SYT7: variants seen among roughly 807,000 people sequenced by gnomAD.
SYT7 encodes the protein synaptotagmin-7.
In SYT7, 29 loss-of-function variants were observed where a neutral mutation model predicts 75.1. The ratio of observed to expected loss-of-function variants is 0.39; its 90% CI spans 0.29 to 0.53. The LOEUF is 0.53. Among genes scored for constraint, SYT7 ranks in the 20% least tolerant of loss-of-function variants. The probability of loss-of-function intolerance (pLI) is 0.77; values close to 1 mark genes in which losing one functional copy is unlikely to be tolerated. For synonymous variants in SYT7, 376 were observed against 401.7 expected (o/e 0.94, Z 0.76); for missense variants, 693 against 953.2 (o/e 0.73, Z 3.59).
At chr11:61,538,927 C>T (rs886585233) in intron 6 of SYT7, among the ~76,000 whole-genome samples, 1 of 152,202 alleles carries the variant, frequency 6.6e-6, no homozygotes, top group Non-Finnish European at 1.5e-5. Context: ...AGCTACCTCC[C>T]CTTGGCTCCT....
Position 61,518,536 on chromosome 11 carries a change from G to T in SYT7, c.*91C>A. On this transcript the variant is annotated 3_prime_UTR_variant, in exon 13 of 13. Coordinates refer to ENST00000539008, the MANE Select transcript of SYT7 (RefSeq NM_001365809.2). ...CCCTCAGGGTCCTCCCCTCCCTATG[G>T]CAGGGGGCTCAGGCCGGGCGTTGTG... 1.1e-6 allele frequency: 1 copy of T among 921,262 alleles called. No individual in the cohort carries two copies. Among genetic ancestry groups the T allele is most frequent in the Non-Finnish European group, 1.6e-6 (1 of 639,160 alleles). The allele number at this position is 921,262 out of a possible 1,614,324, so 57.1% of individuals were successfully genotyped here. A position where few individuals can be genotyped will look rare whatever the true frequency, so the allele number is the denominator to read the frequency against.
chr11:61,535,291 A>T (rs536059514), intron 7 of SYT7, among the ~76,000 whole-genome samples: 58 of 152,354 alleles, frequency 3.8e-4, no homozygotes, highest in African/African-American at 1.3e-3. Context: ...CAGGAGAGGC[A>T]GAGAGGAGGC....
At chr11:61,547,914 TC>T (rs1336681857) in intron 3 of SYT7, among the ~76,000 whole-genome samples, 22 of 152,216 alleles carry the variant, frequency 1.4e-4, no homozygotes, top group Non-Finnish European at 2.8e-4. Context: ...TTCCACCTTC[TC>T]CCCACTGAGG....
At chr11:61,519,642 G>C (rs1478417784) in intron 12 of SYT7, among the ~76,000 whole-genome samples, 1 of 152,134 alleles carries the variant, frequency 6.6e-6, no homozygotes, top group Non-Finnish European at 1.5e-5. Flanking sequence ...ATAACGGCCG[G>C]AGTCTAGTTC....
At chr11:61,538,078 G>T in intron 7 of SYT7, 66 bp downstream of exon 7, 1 of 1,526,182 alleles carries the variant, frequency 6.6e-7, no homozygotes, top group South Asian at 1.2e-5. Context: ...GGCCGGTCGA[G>T]GCAGGCGGCC....
chr11:61,541,613 G>A (rs928720810), intron 6 of SYT7, among the ~76,000 whole-genome samples: 3 of 152,108 alleles, frequency 2.0e-5, no homozygotes, highest in African/African-American at 7.2e-5. Flanking sequence ...CATTACTGGA[G>A]GAAGGAGACT....
At chr11:61,538,644 G>T (rs1046108781) in intron 6 of SYT7, among the ~76,000 whole-genome samples, 1 of 152,058 alleles carries the variant, frequency 6.6e-6, no homozygotes, top group African/African-American at 2.4e-5. Context: ...CAGTCCCAAG[G>T]GAACACGGGG....
At position 61,580,242 on chromosome 11, in the gene SYT7, C is replaced by G. The variant is rs1025298937; in HGVS notation, c.31+548G>C. On this transcript the variant is annotated intron_variant, in intron 1 of 12. Transcript: ENST00000539008. The surrounding 1 kb of genome is among the most constrained non-coding windows in gnomAD (Gnocchi z 6.1). ...CACCCCCGTCTCACCCATCAACGCC[C>G]CTGCAGTTCCCCACCCCCCAGAACC... 1.3e-5 allele frequency among the ~76,000 whole-genome samples: 2 copies of G among 152,058 alleles called. No homozygotes were observed. Among genetic ancestry groups the G allele is most frequent in the African/African-American group, 2.4e-5 (1 of 41,384 alleles).
chr11:61,574,132 C>T (rs1441997608), intron 1 of SYT7, among the ~76,000 whole-genome samples: 13 of 152,256 alleles, frequency 8.5e-5, no homozygotes, highest in Non-Finnish European at 1.0e-4. Context: ...TCATCCCACA[C>T]ATCAATTGCT....
chr11:61,581,144 C>T (rs1176371832), upstream of SYT7: 1 of 161,258 alleles, frequency 6.2e-6, no homozygotes, highest in East Asian at 1.9e-4. Context: ...TGTGAGCGCG[C>T]CCGGGGCACC....
rs959147329 is a variant in SYT7, at chr11:61,546,221, C to T, written c.382G>A (p.Ala128Thr). 1.4e-5 allele frequency: 21 copies of T among 1,467,430 alleles called. No homozygotes were observed. The highest frequency in any genetic ancestry group is 4.4e-5 in the African/African-American group (3 of 68,148). 90.9% of individuals were successfully genotyped at this position (1,467,430 alleles called of 1,614,324 possible). The change falls in exon 5 of 13, where the codon GCG (alanine) becomes ACG (threonine). Residue 128 changes from alanine (A) to threonine (T), a missense_variant. Ala to Thr is a moderately conservative substitution (Grantham distance 58). Coordinates refer to ENST00000539008, the MANE Select transcript of SYT7 (RefSeq NM_001365809.2). The surrounding 1 kb of genome is among the most constrained non-coding windows in gnomAD (Gnocchi z 7.6). ...TCCCGCTCCACCGCCAGCCCCGCCG[C>T]GGCGGCCACTTTGGCGCCCGACAGG... ...TLLSGAKVAA[A>T]AGLAVEREGR...
intron 3 of SYT7, among the ~76,000 whole-genome samples, chr11:61,548,209 G>A (rs1437779177): frequency 6.6e-6 from 1 of 152,210 alleles, no homozygotes; most frequent in Non-Finnish European, 1.5e-5. Context: ...TTTGTTCTGG[G>A]GCCTGTGTAG....
the SYT7 span, among the ~76,000 whole-genome samples, chr11:61,587,565 C>CTT: frequency 6.6e-6 from 1 of 152,194 alleles, no homozygotes; most frequent in Non-Finnish European, 1.5e-5. Context: ...GCCAGCACCA[C>CTT]TCGCCGCCCG....
intron 6 of SYT7, 123 bp from the exon 7 acceptor site, chr11:61,538,389 A>AGAGAGAGAGAGAGAGAGAGAGAC (rs1199334439): frequency 4.2e-6 from 1 of 239,968 alleles, no homozygotes; most frequent in Admixed American, 7.3e-5. Context: ...GAGAGAGAGA[A>AGAGAGAGAGAGAGAGAGAGAGAC]AGAGAGAGAG....
chr11:61,524,720 T>C lies in SYT7; in HGVS notation c.1472-188A>G. 1 of 548,468 alleles carries C rather than the reference T, an allele frequency of 1.8e-6. No homozygotes were observed. The highest frequency in any genetic ancestry group is 2.5e-5 in the South Asian group (1 of 40,766). The allele number at this position is 548,468 out of a possible 1,614,324, so 34.0% of individuals were successfully genotyped here. On this transcript the variant is annotated intron_variant, in intron 9 of 12. Transcript: ENST00000539008. This position sits in a 1 kb window ranked among gnomAD's most constrained non-coding sequence, Gnocchi z 4.1. ...GCTAGCAAGAACTGTCACCGTCTCA[T>C]GGGATTCCCTCAACAATTCTCCAAG...
At chr11:61,583,677 A>T (rs2064328294), upstream of SYT7, among the ~76,000 whole-genome samples, 1 of 152,230 alleles carries the variant, frequency 6.6e-6, no homozygotes, top group Non-Finnish European at 1.5e-5. Context: ...TCTTACAAGA[A>T]TACGAAGCCC....
At chr11:61,581,138 A>T (rs2064258440), upstream of SYT7, 6 of 169,500 alleles carry the variant, frequency 3.5e-5, no homozygotes, top group Non-Finnish European at 6.9e-5. Flanking sequence ...CGCGTGTGTG[A>T]GCGCGCCCGG....
Position 61,542,067 on chromosome 11 carries a change from AG to A in SYT7, c.941+143del. The A allele has an allele frequency of 2.7e-6, 3 of 1,118,386 alleles. No homozygotes were observed. Among genetic ancestry groups the A allele is most frequent in the Non-Finnish European group, 2.4e-6 (2 of 818,688 alleles). The allele number at this position is 1,118,386 out of a possible 1,614,324, so 69.3% of individuals were successfully genotyped here. On this transcript the variant is annotated intron_variant, in intron 6 of 12. Transcript: ENST00000539008. This position sits in a 1 kb window ranked among gnomAD's most constrained non-coding sequence, Gnocchi z 7.8. ...AGGCAGGAGCCACAAGAGGCTAAGG[AG>A]GGGGCTGCCAAGTCTGCTTGGCACC...
chr11:61,583,915 G>A (rs1048851100), upstream of SYT7, among the ~76,000 whole-genome samples: 4 of 152,220 alleles, frequency 2.6e-5, no homozygotes, highest in Non-Finnish European at 5.9e-5. Context: ...TTTAGGGGAC[G>A]CAGAGTCATG....
Sources: allele counts gnomAD v4.1 joint callset (sites outside exome capture counted in the v4.1 genomes callset), GRCh38; gene constraint gnomAD v4.1.1; non-coding constraint Gnocchi (gnomAD v3.1); transcripts MANE v1.5; gene names NCBI Gene and HGNC (gene_info 2026-07-23, HGNC 2026-07-21).